Variants in CTNNA2 observed in about 807,000 individuals in gnomAD.
CTNNA2 encodes catenin alpha-2.
A neutral mutation model predicts 101.0 loss-of-function variants in CTNNA2; 42 were observed. The observed-to-expected ratio is 0.42, with a 90% confidence interval of 0.32 to 0.54. The LOEUF (loss-of-function observed/expected upper bound fraction) is 0.54, where lower values mean the gene tolerates loss of function less well. CTNNA2 is among the 20% of genes least tolerant of loss of function. The probability of loss-of-function intolerance (pLI) is 0.14; values close to 1 mark genes in which losing one functional copy is unlikely to be tolerated. For synonymous variants in CTNNA2, 450 were observed against 456.4 expected (o/e 0.99, Z 0.18); for missense variants, 871 against 1,223.1 (o/e 0.71, Z 4.29).
chr2:79,205,897 G>A lies in CTNNA2; in HGVS notation c.-406+7821G>A, dbSNP rs1277723378. Among the ~76,000 whole-genome samples the A allele has an allele frequency of 6.6e-5, 10 of 152,170 alleles. 1 individual carries two copies. The highest frequency in any genetic ancestry group is 6.5e-4 in the Admixed American group (10 of 15,276). The stretch of plus-strand genomic sequence containing the variant: ...CAGGGAGAGGAAGTAATTTGTCTGA[G>A]ATCTCTCAATATATTTCCTGCACAG... On this transcript the variant is annotated intron_variant, in intron 2 of 21. Coordinates refer to the CTNNA2 transcript ENST00000466387.
intron 1 of CTNNA2, among the ~76,000 whole-genome samples, chr2:79,197,128 T>A (rs1183094188): frequency 6.6e-6 from 1 of 152,222 alleles, no homozygotes; most frequent in Non-Finnish European, 1.5e-5. Flanking sequence ...TTATCTCTTT[T>A]TCCTGTGCTC....
intron 7 of CTNNA2, among the ~76,000 whole-genome samples, chr2:79,933,904 T>A (rs1473313924): frequency 6.6e-6 from 1 of 152,202 alleles, no homozygotes; most frequent in Non-Finnish European, 1.5e-5. Flanking sequence ...TGATCACATC[T>A]CCAGATAACA....
chr2:79,643,122 C>T (rs927659932), intron 1 of CTNNA2, among the ~76,000 whole-genome samples: 2 of 151,786 alleles, frequency 1.3e-5, no homozygotes, highest in African/African-American at 2.4e-5. Flanking sequence ...ACTGGGGAGG[C>T]GGGGGTTGCA....
chr2:80,083,767 T>C (rs568574589), intron 7 of CTNNA2, among the ~76,000 whole-genome samples: 11 of 152,234 alleles, frequency 7.2e-5, no homozygotes, highest in Admixed American at 1.3e-4. Context: ...CAGGCTTCTT[T>C]ACCAAAGTCT....
chr2:80,508,284 G>T (rs1190176320), intron 9 of CTNNA2, among the ~76,000 whole-genome samples: 1 of 151,904 alleles, frequency 6.6e-6, no homozygotes, highest in Non-Finnish European at 1.5e-5. Flanking sequence ...CACCAGCCTG[G>T]GTAATATGGT....
intron 7 of CTNNA2, among the ~76,000 whole-genome samples, chr2:80,201,367 CTTTTTTT>C (rs60448795): frequency 1.2e-4 from 10 of 80,716 alleles, no homozygotes; most frequent in Admixed American, 1.6e-4. Context: ...CTTTTTCTTT[CTTTTTTT>C]TTTTTTTTTT....
intron 18 of CTNNA2, among the ~76,000 whole-genome samples, chr2:80,645,608 C>T (rs892569757): frequency 4.9e-4 from 74 of 151,996 alleles, no homozygotes; most frequent in African/African-American, 1.4e-3. Context: ...CTGATAAATG[C>T]GATTTCTAAC....
intron 7 of CTNNA2, among the ~76,000 whole-genome samples, chr2:80,083,846 T>C (rs1016273450): frequency 2.0e-5 from 3 of 152,164 alleles, no homozygotes; most frequent in African/African-American, 7.2e-5. Flanking sequence ...TGTCAAGATC[T>C]TACAAGAAGA....
In CTNNA2 at chr2:80,542,470, G is replaced by T. The variant is rs193302147; in HGVS notation, c.1291-2512G>T. On this transcript the variant is annotated intron_variant, in intron 9 of 18. Coordinates refer to ENST00000402739, the MANE Select transcript of CTNNA2 (RefSeq NM_001282597.3). ...AAGAATATTTCATGGACAGTGGTAT[G>T]TCACTCAGTCAAGAAACACATGATC... 8.6e-5 allele frequency among the ~76,000 whole-genome samples: 13 copies of T among 151,996 alleles called. 1 individual carries two copies. Among genetic ancestry groups the T allele is most frequent in the African/African-American group, 3.1e-4 (13 of 41,452 alleles).
At chr2:79,318,646 G>C (rs1000269496) in intron 3 of CTNNA2, among the ~76,000 whole-genome samples, 49 of 152,300 alleles carry the variant, frequency 3.2e-4, no homozygotes, top group Admixed American at 9.8e-4. Context: ...TCTAAAGTAA[G>C]GTTTATCAAA....
chr2:79,392,590 A>G (rs1221202214), intron 4 of CTNNA2, among the ~76,000 whole-genome samples: 1 of 152,190 alleles, frequency 6.6e-6, no homozygotes, highest in Non-Finnish European at 1.5e-5. Context: ...CAAGCTGTGA[A>G]AAACAAAAAC....
chr2:80,584,545 C>T (rs368870515), intron 14 of CTNNA2, among the ~76,000 whole-genome samples: 2 of 151,876 alleles, frequency 1.3e-5, no homozygotes, highest in Non-Finnish European at 2.9e-5. Flanking sequence ...ATAATATAAA[C>T]TGTTTCTCCA....
intron 2 of CTNNA2, among the ~76,000 whole-genome samples, chr2:79,250,363 G>A (rs551895468): frequency 3.9e-5 from 6 of 152,226 alleles, no homozygotes; most frequent in African/African-American, 1.2e-4. Context: ...ACACTTGCCT[G>A]GGAAGCCACT....
upstream of CTNNA2, among the ~76,000 whole-genome samples, chr2:79,511,604 A>G (rs1433626778): frequency 6.6e-6 from 1 of 152,122 alleles, no homozygotes; most frequent in African/African-American, 2.4e-5. Context: ...TTTTCCCAGG[A>G]ATTTTTAAAT....
intron 7 of CTNNA2, among the ~76,000 whole-genome samples, chr2:80,131,483 G>T (rs893613141): frequency 6.6e-6 from 1 of 152,164 alleles, no homozygotes; most frequent in East Asian, 1.9e-4. Context: ...GGTAATGACG[G>T]TATAAAATTC....
intron 7 of CTNNA2, among the ~76,000 whole-genome samples, chr2:79,913,381 C>T (rs1466534977): frequency 6.6e-6 from 1 of 152,176 alleles, no homozygotes; most frequent in African/African-American, 2.4e-5. Flanking sequence ...GGAGTCACAG[C>T]AGCTATTGTG....
chr2:79,846,405 C>T (rs894791573), intron 3 of CTNNA2, among the ~76,000 whole-genome samples: 10 of 152,024 alleles, frequency 6.6e-5, no homozygotes, highest in African/African-American at 1.9e-4. Flanking sequence ...CTTTTCTCTC[C>T]GATTGTATTT....
At chr2:80,498,079 A>G (rs890087429) in intron 9 of CTNNA2, among the ~76,000 whole-genome samples, 3 of 152,046 alleles carry the variant, frequency 2.0e-5, no homozygotes, top group African/African-American at 7.2e-5. Context: ...TACAATTCCA[A>G]TTTCCAGGAG....
intron 4 of CTNNA2, among the ~76,000 whole-genome samples, chr2:79,867,388 G>A (rs115055126): frequency 0.012 from 1,832 of 149,690 alleles, 42 homozygotes; most frequent in African/African-American, 0.044. Flanking sequence ...TAATCTATCT[G>A]TCTATCTATC....
Sources: gnomAD v4.1 joint callset for allele counts (sites outside exome capture counted in the v4.1 genomes callset) on GRCh38, gnomAD v4.1.1 for gene constraint, MANE v1.5 for transcripts, NCBI Gene and HGNC (gene_info 2026-07-23, HGNC 2026-07-21) for gene names.